The following FGF2 variants were observed in gnomAD, a reference collection of about 807,000 sequenced individuals.
FGF2 encodes basic fibroblast growth factor bFGF.
Under a neutral mutation model 15.9 loss-of-function variants are expected in FGF2, and 13 were observed. That is an observed-to-expected ratio of 0.82 (90% confidence interval 0.53 to 1.30). The LOEUF is 1.30. Among genes scored for constraint, FGF2 ranks in the 50% most tolerant of loss-of-function variants. The pLI, the probability that FGF2 is intolerant of heterozygous loss-of-function variation, is 0.00. For synonymous variants in FGF2, 90 were observed against 78.4 expected (o/e 1.15, Z -0.78); for missense variants, 163 against 196.9 (o/e 0.83, Z 1.03).
chr4:122,855,207 C>T (rs535503000), intron 1 of FGF2, among the ~76,000 whole-genome samples: 19 of 152,320 alleles, frequency 1.2e-4, no homozygotes, highest in African/African-American at 4.6e-4. Context: ...AAACCTCAAG[C>T]TCTCTCAAAT....
At chr4:122,865,271 G>GT (rs1036833297) in intron 1 of FGF2, among the ~76,000 whole-genome samples, 34 of 144,882 alleles carry the variant, frequency 2.3e-4, no homozygotes, top group African/African-American at 6.4e-4. Flanking sequence ...TATTTTCTCT[G>GT]TTTTTTTTTG....
At chr4:122,828,449 C>G (rs1423866590) in intron 1 of FGF2, among the ~76,000 whole-genome samples, 1 of 152,130 alleles carries the variant, frequency 6.6e-6, no homozygotes, top group Non-Finnish European at 1.5e-5. Flanking sequence ...TTATGGCGTT[C>G]CTTCCTTTAT....
chr4:122,869,039 A>C (rs1393764267), intron 1 of FGF2, among the ~76,000 whole-genome samples: 1 of 152,190 alleles, frequency 6.6e-6, no homozygotes, highest in African/African-American at 2.4e-5. Flanking sequence ...GGTAGATTGC[A>C]GAAATTTTCT....
rs562807395 is a variant in FGF2, at chr4:122,840,859, AC to A, written c.178+13508del. Among the ~76,000 whole-genome samples, 6 of 152,336 alleles carry A rather than the reference AC, an allele frequency of 3.9e-5. No homozygotes were observed. In the East Asian group the frequency reaches 1.2e-3, roughly 29 times the overall value. Reference sequence around the variant, plus strand: ...GTTTCAAGTCTGTAAAAATCAGAAAACATAGGAAAGTTACCAGCAGATGTGT... The same window carrying A: ...GTTTCAAGTCTGTAAAAATCAGAAAAATAGGAAAGTTACCAGCAGATGTGT... On this transcript the variant is annotated intron_variant, in intron 1 of 2. Coordinates refer to ENST00000644866, the MANE Select transcript of FGF2 (RefSeq NM_001361665.2).
intron 1 of FGF2, among the ~76,000 whole-genome samples, chr4:122,840,138 A>ATATTTGAAACATAGTAGAGGC (rs1725948214): frequency 6.6e-6 from 1 of 152,224 alleles, no homozygotes; most frequent in African/African-American, 2.4e-5. Context: ...ACAGGAGCAC[A>ATATTTGAAACATAGTAGAGGC]TGCAGAGATA....
intron 1 of FGF2, among the ~76,000 whole-genome samples, chr4:122,858,062 C>G (rs1453429093): frequency 6.6e-6 from 1 of 151,972 alleles, no homozygotes; most frequent in African/African-American, 2.4e-5. Context: ...TTCTTTCTTT[C>G]ATATTATGCC....
rs1725673129 is a variant in FGF2 at position 122,827,662 on chromosome 4, CGTCG to C, written c.178+312_178+315del. Reference sequence around the variant, plus strand: ...CTGTCTTCCCGCGGACAACCTGTCGCGTCGGGGATGCCCGCGGCCCCGCCATGCA... The same window carrying C: ...CTGTCTTCCCGCGGACAACCTGTCGCGGGATGCCCGCGGCCCCGCCATGCA... On this transcript the variant is annotated intron_variant, in intron 1 of 2. Coordinates refer to ENST00000644866, the MANE Select transcript of FGF2 (RefSeq NM_001361665.2). The surrounding 1 kb of genome is among the most constrained non-coding windows in gnomAD (Gnocchi z 4.2). Among the ~76,000 whole-genome samples the C allele has an allele frequency of 6.6e-6, 1 of 152,124 alleles. No individual in the cohort carries two copies. Among genetic ancestry groups the C allele is most frequent in the African/African-American group, 2.4e-5 (1 of 41,426 alleles).
intron 1 of FGF2, among the ~76,000 whole-genome samples, chr4:122,870,127 G>T (rs935155921): frequency 6.6e-6 from 1 of 152,186 alleles, no homozygotes; most frequent in African/African-American, 2.4e-5. Context: ...TTATGTGATG[G>T]ATTACATTTA....
intron 1 of FGF2, among the ~76,000 whole-genome samples, chr4:122,872,572 G>A (rs1323784692): frequency 3.3e-5 from 5 of 151,118 alleles, no homozygotes; most frequent in African/African-American, 7.3e-5. Flanking sequence ...ACACATAATC[G>A]TCAGATTCTC....
chr4:122,867,306 A>G (rs1284567176), intron 1 of FGF2, among the ~76,000 whole-genome samples: 2 of 152,238 alleles, frequency 1.3e-5, no homozygotes, highest in African/African-American at 4.8e-5. Context: ...ATACCTCAAT[A>G]AGGCTATAAC....
intron 1 of FGF2, among the ~76,000 whole-genome samples, chr4:122,873,569 CCTT>C (rs1246071388): frequency 2.6e-5 from 4 of 152,158 alleles, no homozygotes; most frequent in Non-Finnish European, 4.4e-5. Context: ...GTTTATTCCT[CCTT>C]CTATCAGAGA....
chr4:122,861,762 A>G (rs1358902806), intron 1 of FGF2, among the ~76,000 whole-genome samples: 1 of 151,886 alleles, frequency 6.6e-6, no homozygotes, highest in Non-Finnish European at 1.5e-5. Context: ...CACAACACAC[A>G]CATACATACC....
intron 1 of FGF2, among the ~76,000 whole-genome samples, chr4:122,844,486 A>G (rs751471017): frequency 2.6e-5 from 4 of 152,102 alleles, no homozygotes; most frequent in Non-Finnish European, 5.9e-5. Flanking sequence ...TCTTGATGGC[A>G]TCTAGAATTG....
Position 122,893,053 on chromosome 4 carries a change from T to C in FGF2, c.*657T>C. ...GATCCATCCACTCACATCTTAAGCA[T>C]TCTTCCTGGCAAAAATTTATGGTGA... is the stretch of plus-strand genomic sequence containing the variant. On this transcript the variant is annotated 3_prime_UTR_variant, in exon 3 of 3. Coordinates refer to ENST00000644866, the MANE Select transcript of FGF2 (RefSeq NM_001361665.2). 1 of 1,614,176 alleles carries C rather than the reference T, an allele frequency of 6.2e-7. No individual in the cohort carries two copies. The highest frequency in any genetic ancestry group is 1.1e-5 in the South Asian group (1 of 91,082).
Position 122,838,212 on chromosome 4 carries a change from G to T in FGF2, c.178+10860G>T, listed in dbSNP as rs1265923185. On this transcript the variant is annotated intron_variant, in intron 1 of 2. Coordinates refer to ENST00000644866, the MANE Select transcript of FGF2 (RefSeq NM_001361665.2). ...TATGAAAGCCCTGAAGTATTCATGGGATCTGTCCAGCTCTGTCCAGACAAT... is the reference window on the plus strand; with the variant it reads ...TATGAAAGCCCTGAAGTATTCATGGTATCTGTCCAGCTCTGTCCAGACAAT... Among the ~76,000 whole-genome samples the T allele has an allele frequency of 2.6e-5, 4 of 152,170 alleles. No individual in the cohort carries two copies. The East Asian group carries it at 7.7e-4, about 29-fold the overall frequency.
chr4:122,853,506 G>A (rs1306345373), intron 1 of FGF2, among the ~76,000 whole-genome samples: 2 of 152,122 alleles, frequency 1.3e-5, no homozygotes, highest in Non-Finnish European at 2.9e-5. Context: ...TAAGGAGGAA[G>A]GGATTTTGTT....
chr4:122,846,813 T>G (rs1490744881), intron 1 of FGF2, among the ~76,000 whole-genome samples: 1 of 152,224 alleles, frequency 6.6e-6, no homozygotes, highest in Non-Finnish European at 1.5e-5. Flanking sequence ...TGTTGAATAC[T>G]TTTCTCTGAG....
At chr4:122,873,393 G>T (rs1210450316) in intron 1 of FGF2, among the ~76,000 whole-genome samples, 1 of 152,282 alleles carries the variant, frequency 6.6e-6, no homozygotes, top group African/African-American at 2.4e-5. Context: ...AGCCTTTGGT[G>T]TGTGGTACTT....
At chr4:122,878,531 T>C (rs2150785202) in intron 2 of FGF2, among the ~76,000 whole-genome samples, 1 of 152,294 alleles carries the variant, frequency 6.6e-6, no homozygotes, top group South Asian at 2.1e-4. Context: ...ATAGACTGTC[T>C]GCTGAATCTG....
Sources: allele counts gnomAD v4.1 joint callset (sites outside exome capture counted in the v4.1 genomes callset), GRCh38; gene constraint gnomAD v4.1.1; non-coding constraint Gnocchi (gnomAD v3.1); transcripts MANE v1.5; gene names NCBI Gene and HGNC (gene_info 2026-07-23, HGNC 2026-07-21).